Variants in CACNB2 observed in about 807,000 individuals in gnomAD.
The protein encoded by CACNB2 is calcium voltage-gated channel auxiliary subunit beta 2, also known as voltage-dependent L-type calcium channel subunit beta-2.
In CACNB2, 42 loss-of-function variants were observed where a neutral mutation model predicts 73.3. The ratio of observed to expected loss-of-function variants is 0.57; its 90% CI spans 0.45 to 0.74. CACNB2 has a LOEUF of 0.74. Among genes scored for constraint, CACNB2 ranks in the 30% least tolerant of loss-of-function variants. The probability of loss-of-function intolerance (pLI) is 0.00; values close to 1 mark genes in which losing one functional copy is unlikely to be tolerated. For synonymous variants in CACNB2, 348 were observed against 310.3 expected, an observed-to-expected ratio of 1.12 and a Z score of -1.28; for missense variants, 940 against 853.0, an observed-to-expected ratio of 1.10 and a Z score of -1.27.
At chr10:18,514,163 G>C in intron 6 of CACNB2, 73 bp from the exon 7 acceptor site, 1 of 1,515,984 alleles carries the variant, frequency 6.6e-7, no homozygotes, top group Non-Finnish European at 9.1e-7. Context: ...AGTTTTATTT[G>C]CTTTCATTTT....
intron 2 of CACNB2, among the ~76,000 whole-genome samples, chr10:18,315,911 A>G (rs761627625): frequency 1.3e-4 from 20 of 152,198 alleles, no homozygotes; most frequent in Non-Finnish European, 2.2e-4. Context: ...TGCAGTTTCC[A>G]TCATAGACGT....
At chr10:18,257,011 C>A (rs1199103875) in intron 2 of CACNB2, 1 of 152,122 alleles carries the variant, frequency 6.6e-6, no homozygotes, top group Non-Finnish European at 1.5e-5. Flanking sequence ...GGAATCAGAG[C>A]AAAAGTGCCA....
chr10:18,451,593 C>A lies in CACNB2; in HGVS notation c.334-46762C>A, dbSNP rs1160422516. ...TGTTTTTCCGATAAACACATTTTTCCCCTGCAGAGGATGTTTGACCATTTT... is the reference window on the plus strand; with the variant it reads ...TGTTTTTCCGATAAACACATTTTTCACCTGCAGAGGATGTTTGACCATTTT... On this transcript the variant is annotated intron_variant, in intron 3 of 13. Transcript: ENST00000324631. Among the ~76,000 whole-genome samples, 4 of 152,234 alleles carry A rather than the reference C, an allele frequency of 2.6e-5. No individual in the cohort carries two copies. In the East Asian group the frequency reaches 7.7e-4, roughly 29 times the overall value.
At chr10:18,465,475 C>T (rs2047827117) in intron 3 of CACNB2, among the ~76,000 whole-genome samples, 1 of 152,078 alleles carries the variant, frequency 6.6e-6, no homozygotes, top group Non-Finnish European at 1.5e-5. Flanking sequence ...GAGTGTAATC[C>T]TGCTTCTTGC....
intron 2 of CACNB2, among the ~76,000 whole-genome samples, chr10:18,152,632 G>A (rs2131041303): frequency 7.1e-6 from 1 of 140,278 alleles, no homozygotes; most frequent in South Asian, 2.4e-4. Context: ...TTCTGCCTCT[G>A]AGACAAAGAG....
intron 2 of CACNB2, among the ~76,000 whole-genome samples, chr10:18,379,323 G>T (rs773464721): frequency 6.6e-6 from 1 of 151,896 alleles, no homozygotes; most frequent in East Asian, 1.9e-4. Flanking sequence ...AGCGATTCTC[G>T]TGCCTCAGGC....
At chr10:18,233,936 T>C (rs2036324099) in intron 2 of CACNB2, among the ~76,000 whole-genome samples, 1 of 152,216 alleles carries the variant, frequency 6.6e-6, no homozygotes, top group Non-Finnish European at 1.5e-5. Flanking sequence ...ATCTCCAGTA[T>C]GTTCCTGCTC....
At chr10:18,235,244 G>A (rs2036394716) in intron 2 of CACNB2, among the ~76,000 whole-genome samples, 1 of 152,058 alleles carries the variant, frequency 6.6e-6, no homozygotes, top group South Asian at 2.1e-4. Context: ...CTGGAGACTG[G>A]GCATTCAGAA....
At chr10:18,536,844 T>A (rs1353212081) in intron 12 of CACNB2, among the ~76,000 whole-genome samples, 5 of 152,242 alleles carry the variant, frequency 3.3e-5, no homozygotes, top group African/African-American at 1.2e-4. Flanking sequence ...TTTCTGATCA[T>A]AGGGATCAAG....
At chr10:18,317,465 C>T (rs948397488) in intron 2 of CACNB2, among the ~76,000 whole-genome samples, 5 of 152,108 alleles carry the variant, frequency 3.3e-5, no homozygotes, top group Non-Finnish European at 7.4e-5. Flanking sequence ...GTTTAGCTCC[C>T]ACTCGTGAGA....
At chr10:18,488,357 C>T (rs1336230126) in intron 3 of CACNB2, among the ~76,000 whole-genome samples, 1 of 150,544 alleles carries the variant, frequency 6.6e-6, no homozygotes, top group Non-Finnish European at 1.5e-5. Flanking sequence ...TGCCTGTAGT[C>T]CCAGCTACTC....
chr10:18,303,481 C>T lies in CACNB2; in HGVS notation c.214-98443C>T, dbSNP rs375673234. On this transcript the variant is annotated intron_variant, in intron 2 of 13. Transcript: ENST00000324631. ...GATCACGCCACTGCAATCCAGCCTG[C>T]GTGATAGAGCAAGGCCCCATCTCAA... Among the ~76,000 whole-genome samples, 5 of 151,620 alleles carry T rather than the reference C, an allele frequency of 3.3e-5. No individual in the cohort carries two copies. In the East Asian group the frequency reaches 7.8e-4, roughly 24 times the overall value.
intron 3 of CACNB2, among the ~76,000 whole-genome samples, chr10:18,418,280 A>AG (rs1458776966): frequency 6.6e-6 from 1 of 152,150 alleles, no homozygotes; most frequent in African/African-American, 2.4e-5. Context: ...TCACGATATT[A>AG]GCCAGGATGG....
chr10:18,395,214 C>T (rs115699524), intron 2 of CACNB2, among the ~76,000 whole-genome samples: 1 of 152,162 alleles, frequency 6.6e-6, no homozygotes. Context: ...CTCAGACATG[C>T]AAGCATTTCT....
intron 2 of CACNB2, among the ~76,000 whole-genome samples, chr10:18,305,106 C>G (rs913056251): frequency 6.6e-6 from 1 of 152,164 alleles, no homozygotes; most frequent in Admixed American, 6.5e-5. Context: ...ATCTCATTCC[C>G]TTTCTTATAT....
At chr10:18,412,247 G>A (rs1409620434) in intron 3 of CACNB2, among the ~76,000 whole-genome samples, 1 of 152,182 alleles carries the variant, frequency 6.6e-6, no homozygotes, top group East Asian at 1.9e-4. Flanking sequence ...GCCTAAGCCT[G>A]GAGTCAAATG....
intron 5 of CACNB2, 60 bp downstream of exon 5, chr10:18,501,008 G>A (rs1164911872): frequency 2.1e-5 from 31 of 1,455,162 alleles, no homozygotes; most frequent in Non-Finnish European, 2.9e-5. Flanking sequence ...TCTGTGTACT[G>A]TTGTCTGCTG....
At chr10:18,231,958 C>T (rs541382584) in intron 2 of CACNB2, among the ~76,000 whole-genome samples, 1 of 152,314 alleles carries the variant, frequency 6.6e-6, no homozygotes, top group Admixed American at 6.5e-5. Context: ...TTGGAATGCT[C>T]CAGACCTCCA....
chr10:18,219,814 G>A (rs2131383342), intron 2 of CACNB2, among the ~76,000 whole-genome samples: 1 of 149,416 alleles, frequency 6.7e-6, no homozygotes, highest in Non-Finnish European at 1.5e-5. Context: ...CTGTCACCCA[G>A]GCTCAAGTGC....
Sources: allele counts gnomAD v4.1 joint callset (sites outside exome capture counted in the v4.1 genomes callset), GRCh38; gene constraint gnomAD v4.1.1; transcripts MANE v1.5; gene names NCBI Gene and HGNC (gene_info 2026-07-23, HGNC 2026-07-21).